The following TRAFD1 variants were observed in gnomAD, a reference collection of about 807,000 sequenced individuals.
TRAFD1 encodes the protein TRAF-type zinc finger domain-containing protein 1.
TRAFD1 carries 38 observed loss-of-function variants against 65.3 expected under a neutral mutation model. That is an observed-to-expected ratio of 0.58 (90% CI 0.45 to 0.76). The LOEUF is 0.76. TRAFD1 is among the 30% of genes least tolerant of loss of function. The pLI, the probability that TRAFD1 is intolerant of heterozygous loss-of-function variation, is 0.00. For synonymous variants in TRAFD1, 223 were observed against 257.2 expected (o/e 0.87, Z 1.27); for missense variants, 631 against 712.6 (o/e 0.89, Z 1.30).
chr12:112,136,128 C>CA (rs763720311), intron 4 of TRAFD1, among the ~76,000 whole-genome samples: 161 of 128,600 alleles, frequency 1.3e-3, no homozygotes, highest in Middle Eastern at 4.0e-3. Context: ...GACTACATCT[C>CA]AAAAAAAAAA....
intron 2 of TRAFD1, among the ~76,000 whole-genome samples, chr12:112,132,215 T>G (rs2079569688): frequency 6.6e-6 from 1 of 152,192 alleles, no homozygotes; most frequent in Non-Finnish European, 1.5e-5. Flanking sequence ...TTCTTTCACT[T>G]TGTTGGTATA....
In TRAFD1 at chr12:112,152,677, G is replaced by A; in HGVS notation, c.1693-58G>A. ...GGGACATTTTCGGGGATCCAGGGGAGGAGTAATGCTTTTTCACTTTTTATG... is the reference window on the plus strand; with the variant it reads ...GGGACATTTTCGGGGATCCAGGGGAAGAGTAATGCTTTTTCACTTTTTATG... On this transcript the variant is annotated intron_variant, in intron 11 of 11. Transcript: ENST00000412615. This position sits in a 1 kb window ranked among gnomAD's most constrained non-coding sequence, Gnocchi z 5.0. 2 of 1,612,962 alleles carry A rather than the reference G, an allele frequency of 1.2e-6. No homozygotes were observed. The highest frequency in any genetic ancestry group is 3.3e-5 in the Admixed American group (2 of 59,956).
At chr12:112,142,382 T>A in intron 6 of TRAFD1, 87 bp downstream of exon 6, 1 of 1,433,844 alleles carries the variant, frequency 7.0e-7, no homozygotes, top group Non-Finnish European at 9.4e-7. Flanking sequence ...TGAAAGATTT[T>A]AATGAAATAG....
rs750378710 is a variant in TRAFD1, at chr12:112,130,502, G to A, written c.-12-9G>A. 1 of 1,609,586 alleles carries A rather than the reference G, an allele frequency of 6.2e-7. No individual in the cohort carries two copies. Among genetic ancestry groups the A allele is most frequent in the Admixed American group, 1.7e-5 (1 of 59,800 alleles). ...AGAGAAAGTTCATGTCTTCCTTTGT[G>A]GTTTTCAGGAAGAGCTAAAGATGGC... On this transcript the variant is annotated splice_polypyrimidine_tract_variant and intron_variant, in intron 1 of 11. Coordinates refer to ENST00000412615, the MANE Select transcript of TRAFD1 (RefSeq NM_006700.3). The surrounding 1 kb of genome is among the most constrained non-coding windows in gnomAD (Gnocchi z 4.4).
intron 7 of TRAFD1, among the ~76,000 whole-genome samples, chr12:112,147,232 CGTGACCTGCCCACTTCAGCCTCCCAAA>C (rs745818735): frequency 1.2e-4 from 19 of 152,092 alleles, no homozygotes; most frequent in South Asian, 1.0e-3. Context: ...CTCCTAACCT[CGTGACCTGCCCACTTCAGCCTCCCAAA>C]GTGCTGAGAT....
chr12:112,134,116 T>G (rs1356661796), intron 2 of TRAFD1, among the ~76,000 whole-genome samples: 1 of 150,538 alleles, frequency 6.6e-6, no homozygotes, highest in Non-Finnish European at 1.5e-5. Context: ...GTTCAAGCGA[T>G]TCTCCTGCCT....
chr12:112,149,626 C>G, intron 8 of TRAFD1, 125 bp from the exon 9 acceptor site: 6 of 1,332,722 alleles, frequency 4.5e-6, no homozygotes, highest in African/African-American at 2.9e-5. Context: ...TGAAAGTTCC[C>G]AGAACTTTCA....
chr12:112,145,439 T>C (rs756492980), intron 6 of TRAFD1, 147 bp from the exon 7 acceptor site: 2 of 730,312 alleles, frequency 2.7e-6, no homozygotes, highest in Non-Finnish European at 4.4e-6. Context: ...GGGTTCCCTC[T>C]GAGAATATAC....
Position 112,137,826 on chromosome 12 carries a change from A to T in TRAFD1, c.237+2760A>T, listed in dbSNP as rs1215162240. ...ACAGCTGTTTATATGGTAGTTATAG[A>T]AGAGTGGATATACATATGTAAAAAT... On this transcript the variant is annotated intron_variant, in intron 4 of 11. Coordinates refer to ENST00000412615, the MANE Select transcript of TRAFD1 (RefSeq NM_006700.3). This position sits in a 1 kb window ranked among gnomAD's most constrained non-coding sequence, Gnocchi z 4.2. Among the ~76,000 whole-genome samples, 1 of 152,218 alleles carries T rather than the reference A, an allele frequency of 6.6e-6. No individual in the cohort carries two copies. Among genetic ancestry groups the T allele is most frequent in the Non-Finnish European group, 1.5e-5 (1 of 68,048 alleles).
rs11066180 is a variant in TRAFD1, at chr12:112,136,906, G to A, written c.237+1840G>A. 0.042 allele frequency among the ~76,000 whole-genome samples: 6,424 copies of A among 152,282 alleles called. 1,221 individuals are homozygous for A. The East Asian group carries it at 0.61, about 14-fold the overall frequency. The stretch of plus-strand genomic sequence containing the variant: ...TGGCATCTGGCCAAAACTGGCCAAC[G>A]TTGAATGAGTATGTTAATTCACCAA... On this transcript the variant is annotated intron_variant, in intron 4 of 11. Coordinates refer to ENST00000412615, the MANE Select transcript of TRAFD1 (RefSeq NM_006700.3).
Position 112,125,629 on chromosome 12 carries a change from G to A in TRAFD1, c.-13+11G>A, listed in dbSNP as rs1031168450. ...CTCCTCTCGTCCCTGGTGAGGTGTAGCGGCGGCACGCGGCTGGAGATCCCC... is the reference window on the plus strand; with the variant it reads ...CTCCTCTCGTCCCTGGTGAGGTGTAACGGCGGCACGCGGCTGGAGATCCCC... On this transcript the variant is annotated intron_variant, in intron 1 of 11. Coordinates refer to ENST00000412615, the MANE Select transcript of TRAFD1 (RefSeq NM_006700.3). The A allele has an allele frequency of 6.6e-6, 1 of 152,614 alleles. No homozygotes were observed. The highest frequency in any genetic ancestry group is 2.4e-5 in the African/African-American group (1 of 41,476). The allele number at this position is 152,614 out of a possible 1,614,324, so 9.5% of individuals were successfully genotyped here.
intron 6 of TRAFD1, 26 bp from the exon 7 acceptor site, chr12:112,145,560 G>C: frequency 6.2e-7 from 1 of 1,612,874 alleles, no homozygotes; most frequent in East Asian, 2.2e-5. Context: ...TTCATCCTGA[G>C]TCTCATTGTG....
chr12:112,147,283 C>T (rs2030279732), intron 7 of TRAFD1, among the ~76,000 whole-genome samples: 1 of 152,106 alleles, frequency 6.6e-6, no homozygotes, highest in African/African-American at 2.4e-5. Flanking sequence ...AGGCGTGAGC[C>T]TCCACGTCTG....
intron 7 of TRAFD1, among the ~76,000 whole-genome samples, chr12:112,146,993 T>TG (rs2030266892): frequency 8.5e-6 from 1 of 118,210 alleles, no homozygotes; most frequent in African/African-American, 3.3e-5. Flanking sequence ...TTCTGTTTTT[T>TG]TTTTTTTTTT....
At chr12:112,134,975 C>T (rs750731678) in intron 3 of TRAFD1, 38 bp from the exon 4 acceptor site, 3 of 1,614,124 alleles carry the variant, frequency 1.9e-6, no homozygotes, top group Admixed American at 1.7e-5. Flanking sequence ...AGCATATTGT[C>T]CCAAAGCCAA....
At chr12:112,145,532 A>G (rs2030214663) in intron 6 of TRAFD1, 54 bp from the exon 7 acceptor site, 1 of 1,578,210 alleles carries the variant, frequency 6.3e-7, no homozygotes. Context: ...TAAAAAGTTA[A>G]ATTCAAGTTT....
intron 4 of TRAFD1, among the ~76,000 whole-genome samples, chr12:112,138,941 C>T (rs1250636775): frequency 2.0e-5 from 3 of 151,564 alleles, no homozygotes; most frequent in Non-Finnish European, 4.4e-5. Flanking sequence ...TATACATGAA[C>T]TACCTCTTGC....
At chr12:112,145,514 A>G in intron 6 of TRAFD1, 72 bp from the exon 7 acceptor site, 2 of 1,480,632 alleles carry the variant, frequency 1.4e-6, no homozygotes, top group Admixed American at 3.5e-5. Context: ...AAGACCCCAT[A>G]AAGAGGATAA....
intron 1 of TRAFD1, among the ~76,000 whole-genome samples, chr12:112,126,939 C>G (rs1269961308): frequency 1.3e-5 from 2 of 152,240 alleles, no homozygotes; most frequent in African/African-American, 4.8e-5. Flanking sequence ...CAGGCGTGAG[C>G]TGCTGCGCCC....
Sources: gnomAD v4.1 joint callset for allele counts (sites outside exome capture counted in the v4.1 genomes callset) on GRCh38, gnomAD v4.1.1 for gene constraint, Gnocchi (gnomAD v3.1) non-coding constraint, MANE v1.5 for transcripts, NCBI Gene and HGNC (gene_info 2026-07-23, HGNC 2026-07-21) for gene names.